Variants in CYB5B observed in about 807,000 individuals in gnomAD.
CYB5B encodes the protein cytochrome b5 type B, also known as cytochrome b5 type B (outer mitochondrial membrane).
In CYB5B, 14 loss-of-function variants were observed where a neutral mutation model predicts 21.3. The observed-to-expected ratio is 0.66, with a 90% CI of 0.43 to 1.03. CYB5B has a LOEUF of 1.03. Ranked by LOEUF, CYB5B falls within the 50% of genes least tolerant of loss-of-function variation. The pLI is 0.00. For missense variants in CYB5B, 166 were observed against 185.1 expected (o/e 0.90, Z 0.60); for synonymous variants, 69 against 68.4 (o/e 1.01, Z -0.04).
At chr16:69,444,099 T>C (rs2014852966) in intron 1 of CYB5B, 1 of 153,008 alleles carries the variant, frequency 6.5e-6, no homozygotes, top group South Asian at 2.1e-4. Context: ...TTTGGGAATG[T>C]AATTTCCATT....
At chr16:69,435,581 A>C (rs894481506) in intron 1 of CYB5B, among the ~76,000 whole-genome samples, 1 of 152,202 alleles carries the variant, frequency 6.6e-6, no homozygotes, top group African/African-American at 2.4e-5. Flanking sequence ...AGGCTGGTCA[A>C]AAGAAAGTTG....
intron 3 of CYB5B, among the ~76,000 whole-genome samples, chr16:69,456,306 C>G (rs1015868815): frequency 6.6e-6 from 1 of 152,068 alleles, no homozygotes; most frequent in African/African-American, 2.4e-5. Context: ...GTGCCCAGCC[C>G]TACTTATTTA....
chr16:69,428,367 A>G (rs532146766), intron 1 of CYB5B, among the ~76,000 whole-genome samples: 33 of 152,196 alleles, frequency 2.2e-4, no homozygotes, highest in African/African-American at 7.9e-4. Flanking sequence ...AAGAAGAAAA[A>G]TAATACAGGG....
At chr16:69,441,153 C>CTTTTTT (rs533158390) in intron 1 of CYB5B, among the ~76,000 whole-genome samples, 2 of 133,322 alleles carry the variant, frequency 1.5e-5, no homozygotes, top group Non-Finnish European at 3.2e-5. Context: ...TTACTTCTCT[C>CTTTTTT]TTTTTTTTTT....
chr16:69,435,466 G>T (rs1437543293), intron 1 of CYB5B, among the ~76,000 whole-genome samples: 2 of 152,130 alleles, frequency 1.3e-5, no homozygotes, highest in Non-Finnish European at 2.9e-5. Flanking sequence ...CTTGTGTGAG[G>T]TATAGAGTGG....
intron 1 of CYB5B, among the ~76,000 whole-genome samples, chr16:69,438,536 G>A (rs996796156): frequency 8.3e-6 from 1 of 120,018 alleles, no homozygotes; most frequent in Non-Finnish European, 1.7e-5. Context: ...CCCATTTTTC[G>A]ATTTTTTTTT....
Position 69,424,843 on chromosome 16 carries a change from C to T in CYB5B, c.160C>T (p.Arg54Cys), listed in dbSNP as rs2014626106. ...VIHGRVYDVT[R>C]FLNEHPGGEE... ...CCATGGGCGAGTCTACGATGTCACCCGCTTCCTCAACGAGGTGGGGCCTGG... is the reference window on the plus strand; with the variant it reads ...CCATGGGCGAGTCTACGATGTCACCTGCTTCCTCAACGAGGTGGGGCCTGG... Residue 54 changes from arginine to cysteine, a missense_variant, in exon 1 of 5, where the codon CGC becomes TGC. Transcript: ENST00000307892. 1.3e-6 allele frequency: 2 copies of T among 1,582,086 alleles called. No homozygotes were observed. The highest frequency in any genetic ancestry group is 1.4e-5 in the African/African-American group (1 of 73,562).
At chr16:69,440,653 A>G (rs958123615) in intron 1 of CYB5B, among the ~76,000 whole-genome samples, 2 of 151,870 alleles carry the variant, frequency 1.3e-5, no homozygotes, top group African/African-American at 4.8e-5. Flanking sequence ...TTGTATGATT[A>G]TATCTCATTT....
chr16:69,436,520 C>T (rs1301930966), intron 1 of CYB5B, among the ~76,000 whole-genome samples: 1 of 152,194 alleles, frequency 6.6e-6, no homozygotes, highest in Admixed American at 6.6e-5. Flanking sequence ...ACCTATAGAC[C>T]TGCACCGTTT....
intron 3 of CYB5B, among the ~76,000 whole-genome samples, chr16:69,453,262 A>G (rs2014953479): frequency 6.6e-6 from 1 of 152,150 alleles, no homozygotes; most frequent in South Asian, 2.1e-4. Flanking sequence ...GATGCTACTG[A>G]CTTTTATTAT....
At chr16:69,427,114 T>G (rs1294605946) in intron 1 of CYB5B, among the ~76,000 whole-genome samples, 1 of 152,106 alleles carries the variant, frequency 6.6e-6, no homozygotes, top group Non-Finnish European at 1.5e-5. Context: ...GTGGCACCTG[T>G]GATCTCAGCT....
chr16:69,425,353 CTGT>C (rs1248668216), intron 1 of CYB5B, among the ~76,000 whole-genome samples: 30 of 99,808 alleles, frequency 3.0e-4, no homozygotes, highest in African/African-American at 7.7e-4. Flanking sequence ...TATGCCTCCA[CTGT>C]TTTTTTTTCC....
intron 1 of CYB5B, among the ~76,000 whole-genome samples, chr16:69,439,452 G>A (rs1027552215): frequency 7.9e-5 from 12 of 152,178 alleles, no homozygotes; most frequent in East Asian, 1.9e-4. Context: ...CTCATGATCC[G>A]CCCACGTTGG....
chr16:69,447,126 T>A, intron 1 of CYB5B, 24 bp from the exon 2 acceptor site: 1 of 1,611,292 alleles, frequency 6.2e-7, no homozygotes, highest in Non-Finnish European at 8.5e-7. Flanking sequence ...AACCCTCGGT[T>A]CAGTAAATAT....
chr16:69,454,885 GT>G (rs1332618528), intron 3 of CYB5B, among the ~76,000 whole-genome samples: 1 of 151,996 alleles, frequency 6.6e-6, no homozygotes, highest in African/African-American at 2.4e-5. Flanking sequence ...GTTTTTTGGG[GT>G]TTTTGTTTTG....
Position 69,445,435 on chromosome 16 carries a change from A to T in CYB5B, c.175-1715A>T, listed in dbSNP as rs977469106. ...TAACACTTACAGTTTTTATACTTCA[A>T]TTGAATTAACATTTATTTAAAATAG... is the stretch of plus-strand genomic sequence containing the variant. On this transcript the variant is annotated intron_variant, in intron 1 of 4. Coordinates refer to ENST00000307892, the MANE Select transcript of CYB5B (RefSeq NM_030579.3). Among the ~76,000 whole-genome samples, 24 of 152,248 alleles carry T rather than the reference A, an allele frequency of 1.6e-4. 1 individual carries two copies. The highest frequency in any genetic ancestry group is 4.1e-4 in the African/African-American group (17 of 41,450).
rs187397797 is a variant in CYB5B, at chr16:69,433,556, T to C, written c.174+8699T>C. ...CTCCTCCTCCTTCACCACAGCTGCA[T>C]AGGATTTATTATATGGATCATTATT... is the stretch of plus-strand genomic sequence containing the variant. On this transcript the variant is annotated intron_variant, in intron 1 of 4. Coordinates refer to ENST00000307892, the MANE Select transcript of CYB5B (RefSeq NM_030579.3). Among the ~76,000 whole-genome samples the C allele has an allele frequency of 4.2e-3, 644 of 152,334 alleles. 7 individuals are homozygous for C. Among genetic ancestry groups the C allele is most frequent in the Non-Finnish European group, 8.1e-3 (549 of 68,024 alleles).
intron 1 of CYB5B, among the ~76,000 whole-genome samples, chr16:69,430,232 T>A (rs2014691590): frequency 6.6e-6 from 1 of 152,138 alleles, no homozygotes; most frequent in Non-Finnish European, 1.5e-5. Context: ...TTTTTCTTTT[T>A]TTTGGAGACA....
chr16:69,461,725 C>A (rs1409615769), intron 4 of CYB5B, among the ~76,000 whole-genome samples: 1 of 152,082 alleles, frequency 6.6e-6, no homozygotes, highest in African/African-American at 2.4e-5. Context: ...TTTGCTTCAC[C>A]CTGTTAGAAC....
Sources: allele counts gnomAD v4.1 joint callset (sites outside exome capture counted in the v4.1 genomes callset), GRCh38; gene constraint gnomAD v4.1.1; transcripts MANE v1.5; gene names NCBI Gene and HGNC (gene_info 2026-07-23, HGNC 2026-07-21).